PDE1C: variants seen among roughly 807,000 people sequenced by gnomAD.
The protein encoded by PDE1C is phosphodiesterase 1C, also known as dual specificity calcium/calmodulin-dependent 3',5'-cyclic nucleotide phosphodiesterase 1C.
PDE1C carries 62 observed loss-of-function variants against 93.1 expected under a neutral mutation model. That is an observed-to-expected ratio of 0.67 (90% confidence interval 0.54 to 0.82). The LOEUF (loss-of-function observed/expected upper bound fraction) is 0.82, where lower values mean the gene tolerates loss of function less well. Ranked by LOEUF, PDE1C falls within the 40% of genes least tolerant of loss-of-function variation. The pLI is 0.00. For synonymous variants in PDE1C, 325 were observed against 310.1 expected, an observed-to-expected ratio of 1.05 and a Z score of -0.50; for missense variants, 742 against 884.6, an observed-to-expected ratio of 0.84 and a Z score of 2.04.
Position 31,803,399 on chromosome 7 carries a change from T to TTCTTA in PDE1C, c.1891+5631_1891+5632insTAAGA, listed in dbSNP as rs372230970. ...GTTTCAATTGGTTGGGCTTTTTCTT[T>TTCTTA]TTATTATTATTATTATTATTATACT... is the stretch of plus-strand genomic sequence containing the variant. On this transcript the variant is annotated intron_variant, in intron 16 of 17. Transcript: ENST00000396191. Among the ~76,000 whole-genome samples, 5 of 150,190 alleles carry TTCTTA rather than the reference T, an allele frequency of 3.3e-5. No homozygotes were observed. The South Asian group carries it at 1.0e-3, about 31-fold the overall frequency.
At chr7:32,163,410 G>T (rs1802039906) in intron 3 of PDE1C, among the ~76,000 whole-genome samples, 1 of 152,160 alleles carries the variant, frequency 6.6e-6, no homozygotes, top group Non-Finnish European at 1.5e-5. Context: ...ATTTAATTCT[G>T]CATGGAAAAC....
intron 1 of PDE1C, among the ~76,000 whole-genome samples, chr7:32,360,265 T>A (rs969985727): frequency 6.6e-6 from 1 of 152,232 alleles, no homozygotes; most frequent in Non-Finnish European, 1.5e-5. Context: ...ATAAAGTGTC[T>A]GGGAGCAAAA....
At chr7:32,420,355 ATATATATATGTGTATATATATGTG>A (rs1385723771) in intron 1 of PDE1C, among the ~76,000 whole-genome samples, 1,557 of 22,860 alleles carry the variant, frequency 0.068, 629 homozygotes, top group Non-Finnish European at 0.088. Flanking sequence ...ATATATGTGT[ATATATATATGTGTATATATATGTG>A]TATATATATA....
rs112866189 is a variant in PDE1C, at chr7:32,193,921, T to G, written c.136+15568A>C. ...TTTTTTTTTGGTTTTGTTTTGTTTT[T>G]TTTTTTTTTTTGAGACGGAGTCTCA... On this transcript the variant is annotated intron_variant, in intron 2 of 18. Transcript: ENST00000396193. Among the ~76,000 whole-genome samples the G allele has an allele frequency of 1.8e-3, 193 of 109,822 alleles. 2 individuals are homozygous for G. Among genetic ancestry groups the G allele is most frequent in the Middle Eastern group, 9.4e-3 (2 of 212 alleles). 72.0% of individuals were successfully genotyped at this position (109,822 alleles called of 152,430 possible).
intron 3 of PDE1C, among the ~76,000 whole-genome samples, chr7:32,147,708 C>G (rs986786244): frequency 6.6e-6 from 1 of 152,086 alleles, no homozygotes; most frequent in Non-Finnish European, 1.5e-5. Context: ...CCCACCCCCC[C>G]TCCAAGCATT....
chr7:31,941,087 C>A (rs541747494), intron 2 of PDE1C, among the ~76,000 whole-genome samples: 63 of 152,104 alleles, frequency 4.1e-4, no homozygotes, highest in African/African-American at 1.2e-3. Context: ...CAGCTAGCTA[C>A]CTAAGCTGTT....
intron 4 of PDE1C, among the ~76,000 whole-genome samples, chr7:31,878,726 C>T (rs1002143541): frequency 1.3e-5 from 2 of 152,208 alleles, no homozygotes; most frequent in South Asian, 2.1e-4. Context: ...GAGATGATTT[C>T]CTGCTTTAAA....
intron 1 of PDE1C, among the ~76,000 whole-genome samples, chr7:32,067,858 C>T (rs1027255053): frequency 5.9e-5 from 9 of 152,194 alleles, no homozygotes; most frequent in South Asian, 2.1e-4. Context: ...TGCTTCACCA[C>T]CTATTGATTG....
intron 1 of PDE1C, among the ~76,000 whole-genome samples, chr7:32,354,096 T>C (rs1470649563): frequency 1.3e-5 from 2 of 152,218 alleles, no homozygotes; most frequent in South Asian, 2.1e-4. Flanking sequence ...CAAAGCGTGA[T>C]TCTATGATTC....
At chr7:31,673,563 T>C in the PDE1C span, among the ~76,000 whole-genome samples, 1 of 152,222 alleles carries the variant, frequency 6.6e-6, no homozygotes, top group Non-Finnish European at 1.5e-5. Context: ...ATAGAAACTA[T>C]CATTTTTATG....
intron 4 of PDE1C, among the ~76,000 whole-genome samples, chr7:31,878,335 T>C (rs1485897208): frequency 6.6e-6 from 1 of 152,200 alleles, no homozygotes; most frequent in African/African-American, 2.4e-5. Context: ...TGAATTATAG[T>C]ACAGAATAGA....
At chr7:32,120,715 T>G (rs113795926) in intron 3 of PDE1C, among the ~76,000 whole-genome samples, 2,477 of 151,872 alleles carry the variant, frequency 0.016, 25 homozygotes, top group Non-Finnish European at 0.024. Context: ...AAAAACCCCA[T>G]CCAAGGTTCA....
intron 2 of PDE1C, among the ~76,000 whole-genome samples, chr7:31,953,534 ACT>A (rs1431899575): frequency 6.6e-6 from 1 of 152,058 alleles, no homozygotes; most frequent in Non-Finnish European, 1.5e-5. Context: ...CGCTAGGAAG[ACT>A]CTGCTTGCTG....
intron 1 of PDE1C, among the ~76,000 whole-genome samples, chr7:32,214,975 T>TTGATGATGATGATGA (rs143895270): frequency 0.018 from 2,760 of 151,214 alleles, 34 homozygotes; most frequent in Admixed American, 0.02. Flanking sequence ...GGGAAGTGAC[T>TTGATGATGATGATGA]TGATGATGAT....
chr7:32,086,130 T>G (rs1458189430), intron 3 of PDE1C, among the ~76,000 whole-genome samples: 1 of 146,910 alleles, frequency 6.8e-6, no homozygotes, highest in Non-Finnish European at 1.5e-5. Context: ...AAAATCTCCT[T>G]AAGCTGATAA....
chr7:32,349,634 T>A (rs867708579), intron 1 of PDE1C, among the ~76,000 whole-genome samples: 2 of 139,370 alleles, frequency 1.4e-5, no homozygotes, highest in Non-Finnish European at 3.1e-5. Context: ...AAAGTTGAAA[T>A]TTTTTTTTTT....
At chr7:31,885,262 G>T (rs1562969686) in intron 2 of PDE1C, among the ~76,000 whole-genome samples, 2 of 152,152 alleles carry the variant, frequency 1.3e-5, no homozygotes, top group Non-Finnish European at 2.9e-5. Flanking sequence ...TCTCTTCTGA[G>T]AGAATGAATG....
At chr7:31,762,223 C>CA (rs1381892460) in intron 17 of PDE1C, among the ~76,000 whole-genome samples, 1 of 152,130 alleles carries the variant, frequency 6.6e-6, no homozygotes, top group African/African-American at 2.4e-5. Context: ...TTAACCCAAC[C>CA]AAAAAATTAC....
At chr7:32,426,143 C>A (rs1161227507) in intron 1 of PDE1C, among the ~76,000 whole-genome samples, 1 of 152,088 alleles carries the variant, frequency 6.6e-6, no homozygotes, top group Non-Finnish European at 1.5e-5. Flanking sequence ...TATGTATCTG[C>A]ACATTTAAAA....
Sources: allele counts gnomAD v4.1 joint callset (sites outside exome capture counted in the v4.1 genomes callset), GRCh38; gene constraint gnomAD v4.1.1; transcripts MANE v1.5; gene names NCBI Gene and HGNC (gene_info 2026-07-23, HGNC 2026-07-21).